The following NRSN1 variants were observed in gnomAD, a reference collection of about 807,000 sequenced individuals.
NRSN1 encodes neurensin-1.
In NRSN1, 14 loss-of-function variants were observed where a neutral mutation model predicts 17.3. That is an observed-to-expected ratio of 0.81 (90% CI 0.54 to 1.27). The LOEUF (loss-of-function observed/expected upper bound fraction) is 1.27. NRSN1 is among the 50% of genes most tolerant of loss of function. The pLI is 0.00. For synonymous variants in NRSN1, 79 were observed against 94.2 expected (o/e 0.84, Z 0.93); for missense variants, 209 against 235.9 (o/e 0.89, Z 0.75).
rs116338026 is a variant in NRSN1 at position 24,132,873 on chromosome 6, G to A, written c.-9-1446G>A. ...CCCCACCCCCTGACAGGTGTGTGAT[G>A]TTCCCCTCCCTGTGTCACTGTGTTA... On this transcript the variant is annotated intron_variant, in intron 2 of 3. Transcript: ENST00000378491. Among the ~76,000 whole-genome samples the A allele has an allele frequency of 4.0e-3, 609 of 152,160 alleles. 9 individuals are homozygous for A. The highest frequency in any genetic ancestry group is 5.6e-3 in the Non-Finnish European group (380 of 68,020).
intron 3 of NRSN1, among the ~76,000 whole-genome samples, chr6:24,142,875 G>A (rs982651423): frequency 2.0e-5 from 3 of 152,190 alleles, no homozygotes; most frequent in African/African-American, 7.2e-5. Context: ...TGCGGCTACT[G>A]GCGCGGGTGG....
intron 3 of NRSN1, chr6:24,140,944 A>G: frequency 7.5e-7 from 1 of 1,329,170 alleles, no homozygotes; most frequent in South Asian, 2.4e-5. Flanking sequence ...GTTTTCACAC[A>G]TCCTCCCACA....
In NRSN1 at chr6:24,145,958, C is replaced by A; in HGVS notation, c.*12C>A. ...TACTGGCAACCTGAAACCTTTCCCA[C>A]CCCAGTTCTTCTTGTCTGATTTATG... On this transcript the variant is annotated 3_prime_UTR_variant, in exon 4 of 4. Transcript: ENST00000378491. This position sits in a 1 kb window ranked among gnomAD's most constrained non-coding sequence, Gnocchi z 4.4. 1 of 1,589,148 alleles carries A rather than the reference C, an allele frequency of 6.3e-7. No homozygotes were observed. The highest frequency in any genetic ancestry group is 8.5e-7 in the Non-Finnish European group (1 of 1,169,936).
intron 1 of NRSN1, among the ~76,000 whole-genome samples, chr6:24,126,593 TTG>T (rs1759952030): frequency 6.6e-6 from 1 of 152,124 alleles, no homozygotes; most frequent in Non-Finnish European, 1.5e-5. Flanking sequence ...GGTTTGTGGT[TTG>T]TGTTATGTAA....
chr6:24,139,694 G>C (rs941079445), intron 3 of NRSN1, among the ~76,000 whole-genome samples: 1 of 152,198 alleles, frequency 6.6e-6, no homozygotes, highest in African/African-American at 2.4e-5. Flanking sequence ...TAACAGGTGG[G>C]AGTTGAAACT....
At chr6:24,142,100 C>G (rs1281784699) in intron 3 of NRSN1, among the ~76,000 whole-genome samples, 2 of 148,034 alleles carry the variant, frequency 1.4e-5, no homozygotes, top group Non-Finnish European at 3.0e-5. Context: ...ATGTACTTGC[C>G]ACCATTTTTA....
chr6:24,143,262 G>A (rs991416217), intron 3 of NRSN1, among the ~76,000 whole-genome samples: 1 of 152,132 alleles, frequency 6.6e-6, no homozygotes, highest in African/African-American at 2.4e-5. Context: ...CTCCCAAAGT[G>A]CTAAGATTAC....
At chr6:24,131,343 G>A (rs752334999) in intron 2 of NRSN1, among the ~76,000 whole-genome samples, 5 of 152,184 alleles carry the variant, frequency 3.3e-5, no homozygotes, top group Non-Finnish European at 5.9e-5. Context: ...TCAATCCTGG[G>A]AAAGAACAAC....
In NRSN1 at chr6:24,145,985, C is replaced by T. The variant is rs1561868848; in HGVS notation, c.*39C>T. ...CCAGTTCTTCTTGTCTGATTTATGC[C>T]CGTGGTTAAAAAGAGCAGGCCAGTT... On this transcript the variant is annotated 3_prime_UTR_variant, in exon 4 of 4. Transcript: ENST00000378491. This position sits in a 1 kb window ranked among gnomAD's most constrained non-coding sequence, Gnocchi z 4.4. The T allele has an allele frequency of 6.4e-7, 1 of 1,570,846 alleles. No homozygotes were observed. The highest frequency in any genetic ancestry group is 2.2e-5 in the East Asian group (1 of 44,598).
chr6:24,132,559 A>C (rs1760051980), intron 2 of NRSN1, among the ~76,000 whole-genome samples: 1 of 152,202 alleles, frequency 6.6e-6, no homozygotes, highest in Non-Finnish European at 1.5e-5. Flanking sequence ...TTTTTTTTGG[A>C]AGAAGTCTGA....
chr6:24,138,481 T>C (rs1760150037), intron 3 of NRSN1, among the ~76,000 whole-genome samples: 1 of 152,184 alleles, frequency 6.6e-6, no homozygotes, highest in Non-Finnish European at 1.5e-5. Context: ...AGCAGTCTTC[T>C]CACCCCCAGT....
At chr6:24,141,124 A>G (rs530143801) in intron 3 of NRSN1, 2 of 1,323,620 alleles carry the variant, frequency 1.5e-6, no homozygotes, top group Admixed American at 7.2e-5. Context: ...AAAGCATTCC[A>G]ACTCTTCTGT....
rs779614775 is a variant in NRSN1 at position 24,145,963 on chromosome 6, G to T, written c.*17G>T. 6.3e-7 allele frequency: 1 copy of T among 1,587,586 alleles called. No individual in the cohort carries two copies. The highest frequency in any genetic ancestry group is 2.2e-5 in the East Asian group (1 of 44,722). On this transcript the variant is annotated 3_prime_UTR_variant, in exon 4 of 4. Coordinates refer to ENST00000378491, the MANE Select transcript of NRSN1 (RefSeq NM_080723.5). This position sits in a 1 kb window ranked among gnomAD's most constrained non-coding sequence, Gnocchi z 4.4. ...GCAACCTGAAACCTTTCCCACCCCA[G>T]TTCTTCTTGTCTGATTTATGCCCGT...
intron 3 of NRSN1, among the ~76,000 whole-genome samples, chr6:24,136,301 T>C (rs554535190): frequency 6.6e-6 from 1 of 152,324 alleles, no homozygotes; most frequent in African/African-American, 2.4e-5. Context: ...AAAGTTGAAA[T>C]ATAGTTAATA....
chr6:24,133,672 C>T (rs1044507949), intron 2 of NRSN1, among the ~76,000 whole-genome samples: 6 of 152,138 alleles, frequency 3.9e-5, no homozygotes, highest in African/African-American at 1.2e-4. Flanking sequence ...TTCTTTGTTG[C>T]CATTTCTTGT....
At chr6:24,131,145 A>G (rs1760020777) in intron 2 of NRSN1, among the ~76,000 whole-genome samples, 1 of 152,232 alleles carries the variant, frequency 6.6e-6, no homozygotes, top group African/African-American at 2.4e-5. Flanking sequence ...TAGAGCCTTC[A>G]ATCACTCAGG....
chr6:24,138,661 C>T (rs547130556), intron 3 of NRSN1, among the ~76,000 whole-genome samples: 12 of 152,228 alleles, frequency 7.9e-5, no homozygotes, highest in African/African-American at 2.6e-4. Flanking sequence ...AAAGTGACTC[C>T]GGTCCCTCTC....
intron 3 of NRSN1, among the ~76,000 whole-genome samples, chr6:24,139,285 C>A (rs1169571559): frequency 6.6e-6 from 1 of 152,174 alleles, no homozygotes; most frequent in Non-Finnish European, 1.5e-5. Context: ...GGTATAATTT[C>A]TGTTTATAAA....
Position 24,134,438 on chromosome 6 carries a change from T to C in NRSN1, c.111T>C (p.Cys37=). Residue 37 remains cysteine (C), a synonymous_variant, in exon 3 of 4, where the codon TGT becomes TGC. Coordinates refer to ENST00000378491, the MANE Select transcript of NRSN1 (RefSeq NM_080723.5). Reference sequence around the variant, plus strand: ...ACCTGCACCAGTTTTATGAGGACTGTACAGCCTCAATTTGGGAGTATGAGG... The same window carrying C: ...ACCTGCACCAGTTTTATGAGGACTGCACAGCCTCAATTTGGGAGTATGAGG... ...RSYLHQFYED[C]TASIWEYEDD... 2 of 1,614,114 alleles carry C rather than the reference T, an allele frequency of 1.2e-6. No individual in the cohort carries two copies. The highest frequency in any genetic ancestry group is 2.7e-5 in the African/African-American group (2 of 75,042).
Sources: allele counts gnomAD v4.1 joint callset (sites outside exome capture counted in the v4.1 genomes callset), GRCh38; gene constraint gnomAD v4.1.1; non-coding constraint Gnocchi (gnomAD v3.1); transcripts MANE v1.5; gene names NCBI Gene and HGNC (gene_info 2026-07-23, HGNC 2026-07-21).